The following CPNE3 variants were observed in gnomAD, a reference collection of about 807,000 sequenced individuals.
The protein encoded by CPNE3 is copine-3.
In CPNE3, 68 loss-of-function variants were observed where a neutral mutation model predicts 63.9. The observed-to-expected ratio is 1.06, with a 90% CI of 0.87 to 1.30. CPNE3 has a LOEUF of 1.30. CPNE3 is among the 50% of genes most tolerant of loss of function. CPNE3 has a pLI of 0.00. For missense variants in CPNE3, 665 were observed against 578.1 expected (o/e 1.15, Z -1.54); for synonymous variants, 219 against 197.5 (o/e 1.11, Z -0.91).
At chr8:86,523,926 C>T (rs1344290906) in intron 2 of CPNE3, among the ~76,000 whole-genome samples, 1 of 152,150 alleles carries the variant, frequency 6.6e-6, no homozygotes, top group Non-Finnish European at 1.5e-5. Context: ...GCAGAGGTAG[C>T]TGTTCAGGTA....
intron 13 of CPNE3, 26 bp from the exon 14 acceptor site, chr8:86,551,157 A>G (rs1181889974): frequency 1.9e-6 from 3 of 1,613,732 alleles, no homozygotes; most frequent in Middle Eastern, 1.6e-4. Context: ...CCCAGCCCTC[A>G]TCAGTCCTTT....
chr8:86,537,598 C>T lies in CPNE3; in HGVS notation c.495C>T (p.Phe165=). The change falls in exon 7 of 17, where the codon TTC becomes TTT. Residue 165 remains phenylalanine (F), a synonymous_variant. Transcript: ENST00000517490. ...GAAAGTCAGACCCATACCTGGAATTCCACAAGCAGACATCTGATGGAAACT... is the reference window on the plus strand; with the variant it reads ...GAAAGTCAGACCCATACCTGGAATTTCACAAGCAGACATCTGATGGAAACT... ...LFGKSDPYLE[F]HKQTSDGNWL... The T allele has an allele frequency of 6.2e-7, 1 of 1,610,890 alleles. No homozygotes were observed. The highest frequency in any genetic ancestry group is 1.7e-5 in the Admixed American group (1 of 59,994).
intron 8 of CPNE3, among the ~76,000 whole-genome samples, chr8:86,544,443 AAG>A (rs1485609530): frequency 1.3e-5 from 2 of 152,206 alleles, no homozygotes; most frequent in Admixed American, 6.5e-5. Context: ...GCACTTATAG[AAG>A]GCATGATAGA....
intron 12 of CPNE3, 128 bp downstream of exon 12, chr8:86,548,562 GTCTTA>G (rs1821105940): frequency 1.7e-6 from 2 of 1,144,366 alleles, no homozygotes; most frequent in African/African-American, 1.6e-5. Context: ...AAATCCCCCC[GTCTTA>G]TCTTCTATTT....
Position 86,560,191 on chromosome 8 carries a change from CCTT to C in CPNE3, c.*1787_*1789del, listed in dbSNP as rs1299457424. ...ATCAATAGGAGAAAAGAAAACTAACCCTTCTTCTGATTGTTTGGAGCCATAGTT... is the reference window on the plus strand; with the variant it reads ...ATCAATAGGAGAAAAGAAAACTAACCCTTCTGATTGTTTGGAGCCATAGTT... On this transcript the variant is annotated 3_prime_UTR_variant, in exon 17 of 17. Coordinates refer to ENST00000517490, the MANE Select transcript of CPNE3 (RefSeq NM_003909.5). 2.6e-5 allele frequency: 4 copies of C among 152,112 alleles called. No homozygotes were observed. Among genetic ancestry groups the C allele is most frequent in the Non-Finnish European group, 1.5e-5 (1 of 68,030 alleles). The allele number at this position is 152,112 out of a possible 1,614,324, so 9.4% of individuals were successfully genotyped here.
At chr8:86,556,016 A>C in intron 15 of CPNE3, 86 bp from the exon 16 acceptor site, 3 of 763,900 alleles carry the variant, frequency 3.9e-6, no homozygotes, top group Middle Eastern at 3.2e-4. Context: ...GAAAATGAAC[A>C]AGAAAGACTG....
In CPNE3 at chr8:86,559,366, T is replaced by A. The variant is rs1821387678; in HGVS notation, c.*956T>A. 6.6e-6 allele frequency: 1 copy of A among 152,176 alleles called. No individual in the cohort carries two copies. The highest frequency in any genetic ancestry group is 1.5e-5 in the Non-Finnish European group (1 of 68,034). The allele number at this position is 152,176 out of a possible 1,614,324, so 9.4% of individuals were successfully genotyped here. A position where few individuals can be genotyped will look rare whatever the true frequency, so the allele number is the denominator to read the frequency against. On this transcript the variant is annotated 3_prime_UTR_variant, in exon 17 of 17. Transcript: ENST00000517490. ...GAAAAACTGCTTACTAAAAAAAAAT[T>A]TTATACTTTCCTTGCTAAGGTCCCA...
chr8:86,553,555 A>G (rs1213610341), intron 14 of CPNE3, among the ~76,000 whole-genome samples: 1 of 152,212 alleles, frequency 6.6e-6, no homozygotes, highest in Non-Finnish European at 1.5e-5. Context: ...ACCTAGGAGT[A>G]ATAGGCTATA....
At chr8:86,524,082 G>A (rs1820489372) in intron 2 of CPNE3, among the ~76,000 whole-genome samples, 1 of 152,198 alleles carries the variant, frequency 6.6e-6, no homozygotes. Context: ...ATATAAGGCA[G>A]GTGAGAGATA....
At chr8:86,535,873 G>A (rs753378194) in intron 6 of CPNE3, among the ~76,000 whole-genome samples, 69 of 152,130 alleles carry the variant, frequency 4.5e-4, no homozygotes, top group Non-Finnish European at 8.2e-4. Flanking sequence ...TTTAAGGTGT[G>A]TATATTCCAC....
In CPNE3 at chr8:86,539,190, A is replaced by G. The variant is rs1215390991; in HGVS notation, c.544-1055A>G. Among the ~76,000 whole-genome samples the G allele has an allele frequency of 1.8e-4, 27 of 152,164 alleles. 1 individual carries two copies. The highest frequency in any genetic ancestry group is 1.7e-3 in the Admixed American group (26 of 15,280). Reference sequence around the variant, plus strand: ...GTATTTTTGCTGCTCAGATTCATCCATGTTTGACTAGAGAGAGCTCGTAGT... The same window carrying G: ...GTATTTTTGCTGCTCAGATTCATCCGTGTTTGACTAGAGAGAGCTCGTAGT... On this transcript the variant is annotated intron_variant, in intron 7 of 16. Coordinates refer to ENST00000517490, the MANE Select transcript of CPNE3 (RefSeq NM_003909.5).
Position 86,548,314 on chromosome 8 carries a change from T to G in CPNE3, c.893T>G (p.Phe298Cys), listed in dbSNP as rs1399735174. The G allele has an allele frequency of 6.2e-7, 1 of 1,613,918 alleles. No individual in the cohort carries two copies. Among genetic ancestry groups the G allele is most frequent in the Non-Finnish European group, 8.5e-7 (1 of 1,179,998 alleles). The part of the protein sequence containing the change: ...CQLNFTVGVD[F>C]TGSNGDPRSP... ...GTTATTTGGCAGGTGGGAGTGGACTTCACTGGCTCCAATGGTGACCCAAGG... is the reference window on the plus strand; with the variant it reads ...GTTATTTGGCAGGTGGGAGTGGACTGCACTGGCTCCAATGGTGACCCAAGG... The change falls in exon 12 of 17, where the codon TTC (phenylalanine) becomes TGC (cysteine). Residue 298 changes from phenylalanine to cysteine, a missense_variant. Transcript: ENST00000517490.
At chr8:86,538,460 G>A (rs747492088) in intron 7 of CPNE3, among the ~76,000 whole-genome samples, 6 of 152,156 alleles carry the variant, frequency 3.9e-5, no homozygotes, top group Admixed American at 3.3e-4. Flanking sequence ...ATTAACATTT[G>A]ACATAGCTAA....
intron 12 of CPNE3, 52 bp downstream of exon 12, chr8:86,548,486 A>C (rs761872010): frequency 5.0e-6 from 8 of 1,610,008 alleles, no homozygotes; most frequent in Non-Finnish European, 5.9e-6. Context: ...ATTCCCCAGA[A>C]AGGGTAGTTT....
chr8:86,533,737 T>G (rs1203934934), intron 6 of CPNE3, among the ~76,000 whole-genome samples: 1 of 152,080 alleles, frequency 6.6e-6, no homozygotes, highest in Non-Finnish European at 1.5e-5. Flanking sequence ...CTTTCTCTCC[T>G]CCCAGACTTC....
At chr8:86,555,095 T>TA (rs1307938345) in intron 15 of CPNE3, 111 bp downstream of exon 15, 20 of 1,433,334 alleles carry the variant, frequency 1.4e-5, no homozygotes, top group Non-Finnish European at 1.9e-5. Context: ...CAAGATACAA[T>TA]AACACAGTCA....
chr8:86,555,230 C>T (rs1250832629), intron 15 of CPNE3, among the ~76,000 whole-genome samples: 6 of 144,680 alleles, frequency 4.1e-5, no homozygotes, highest in Admixed American at 4.0e-4. Flanking sequence ...TAGATAGGTT[C>T]TACCAAAAAA....
chr8:86,532,259 A>G (rs1586834986), intron 5 of CPNE3, among the ~76,000 whole-genome samples: 2 of 152,208 alleles, frequency 1.3e-5, no homozygotes, highest in African/African-American at 2.4e-5. Flanking sequence ...GGAAGATCCA[A>G]TTTGGGCAAC....
At chr8:86,524,701 TGCGA>T (rs1820503405) in intron 2 of CPNE3, 1 of 149,074 alleles carries the variant, frequency 6.7e-6, no homozygotes, top group African/African-American at 2.5e-5. Context: ...TTTTTTTTTT[TGCGA>T]CAGGGTCTTG....
Sources: gnomAD v4.1 joint callset for allele counts (sites outside exome capture counted in the v4.1 genomes callset) on GRCh38, gnomAD v4.1.1 for gene constraint, MANE v1.5 for transcripts, NCBI Gene and HGNC (gene_info 2026-07-23, HGNC 2026-07-21) for gene names.